MFSD6: variants seen among roughly 807,000 people sequenced by gnomAD.
MFSD6 encodes the protein major facilitator superfamily domain-containing protein 6.
Under a neutral mutation model 56.3 loss-of-function variants are expected in MFSD6, and 26 were observed. The ratio of observed to expected loss-of-function variants is 0.46; its 90% CI spans 0.34 to 0.64. The LOEUF is 0.64. Among genes scored for constraint, MFSD6 ranks in the 30% least tolerant of loss-of-function variants. MFSD6 has a pLI of 0.01. For missense variants in MFSD6, 750 were observed against 986.2 expected (o/e 0.76, Z 3.21); for synonymous variants, 331 against 366.9 (o/e 0.90, Z 1.12).
chr2:190,500,303 TC>T lies in MFSD6; in HGVS notation c.*89del, dbSNP rs761264098. On this transcript the variant is annotated 3_prime_UTR_variant, in exon 8 of 8. Transcript: ENST00000392328. The surrounding 1 kb of genome is among the most constrained non-coding windows in gnomAD (Gnocchi z 5.3). The stretch of plus-strand genomic sequence containing the variant: ...TGAGGCCCCCCAGCCAGGATATGCC[TC>T]CCCTGGAGGAGCACAGCACTGCATA... The T allele has an allele frequency of 5.6e-6, 8 of 1,435,462 alleles. No individual in the cohort carries two copies. The highest frequency in any genetic ancestry group is 7.7e-6 in the Non-Finnish European group (8 of 1,034,062). 88.9% of individuals were successfully genotyped at this position (1,435,462 alleles called of 1,614,324 possible). A position where few individuals can be genotyped will look rare whatever the true frequency, so the allele number is the denominator to read the frequency against.
Position 190,412,002 on chromosome 2 carries a change from A to C in MFSD6, c.-175-3290A>C, listed in dbSNP as rs904660878. 2.0e-6 allele frequency: 2 copies of C among 985,380 alleles called. No homozygotes were observed. The highest frequency in any genetic ancestry group is 3.5e-5 in the African/African-American group (2 of 57,352). The allele number at this position is 985,380 out of a possible 1,614,324, so 61.0% of individuals were successfully genotyped here. ...AATTTACCTGCTGTGTCATCTCATG[A>C]AATTATGGCATTCTGGATGACTTTA... On this transcript the variant is annotated intron_variant, in intron 1 of 7. Coordinates refer to ENST00000392328, the MANE Select transcript of MFSD6 (RefSeq NM_017694.4). This position sits in a 1 kb window ranked among gnomAD's most constrained non-coding sequence, Gnocchi z 4.1.
At chr2:190,479,996 C>G (rs1348763896) in intron 4 of MFSD6, among the ~76,000 whole-genome samples, 1 of 152,122 alleles carries the variant, frequency 6.6e-6, no homozygotes, top group African/African-American at 2.4e-5. Flanking sequence ...GACCCTGTCT[C>G]TACAAAATAT....
chr2:190,441,371 T>C (rs116492683), intron 3 of MFSD6, among the ~76,000 whole-genome samples: 99 of 152,022 alleles, frequency 6.5e-4, no homozygotes, highest in African/African-American at 2.2e-3. Context: ...TACCGAGGCA[T>C]TCAACGTTTT....
In MFSD6 at chr2:190,443,881, C is replaced by A. The variant is rs1018971245; in HGVS notation, c.1532+6320C>A. On this transcript the variant is annotated intron_variant, in intron 3 of 7. Coordinates refer to ENST00000392328, the MANE Select transcript of MFSD6 (RefSeq NM_017694.4). The surrounding 1 kb of genome is among the most constrained non-coding windows in gnomAD (Gnocchi z 4.2). ...ATCAGCCTGGGCAACATGGTGAGACCTTGTCTCTACAAAAAATAACATTAG... is the reference window on the plus strand; with the variant it reads ...ATCAGCCTGGGCAACATGGTGAGACATTGTCTCTACAAAAAATAACATTAG... Among the ~76,000 whole-genome samples the A allele has an allele frequency of 2.0e-5, 3 of 152,048 alleles. No homozygotes were observed. Among genetic ancestry groups the A allele is most frequent in the Non-Finnish European group, 2.9e-5 (2 of 68,010 alleles).
At position 190,413,187 on chromosome 2, in the gene MFSD6, G is replaced by A. The variant is rs1342487966; in HGVS notation, c.-175-2105G>A. Among the ~76,000 whole-genome samples the A allele has an allele frequency of 6.6e-6, 1 of 152,046 alleles. No individual in the cohort carries two copies. The highest frequency in any genetic ancestry group is 1.5e-5 in the Non-Finnish European group (1 of 68,028). The stretch of plus-strand genomic sequence containing the variant: ...CTTGATCCATTATGATGTAAATCTA[G>A]CTGAGCCACGTGTTGATGATTATGT... On this transcript the variant is annotated intron_variant, in intron 1 of 7. Transcript: ENST00000392328. The surrounding 1 kb of genome is among the most constrained non-coding windows in gnomAD (Gnocchi z 4.1).
intron 2 of MFSD6, among the ~76,000 whole-genome samples, chr2:190,429,073 A>C (rs899242345): frequency 6.6e-6 from 1 of 151,946 alleles, no homozygotes; most frequent in African/African-American, 2.4e-5. Flanking sequence ...ATCTTTTTAC[A>C]TATTTATTGG....
chr2:190,413,707 A>G lies in MFSD6; in HGVS notation c.-175-1585A>G, dbSNP rs1007261050. On this transcript the variant is annotated intron_variant, in intron 1 of 7. Transcript: ENST00000392328. This position sits in a 1 kb window ranked among gnomAD's most constrained non-coding sequence, Gnocchi z 4.1. ...AAGTGAGTGGCGAGCCTGGACTGGT[A>G]GTTAGCAGTCTGTGTTGGTTATGTA... is the stretch of plus-strand genomic sequence containing the variant. 2.0e-5 allele frequency among the ~76,000 whole-genome samples: 3 copies of G among 152,162 alleles called. No individual in the cohort carries two copies. Among genetic ancestry groups the G allele is most frequent in the African/African-American group, 7.2e-5 (3 of 41,440 alleles).
rs910212382 is a variant in MFSD6, at chr2:190,454,838, G to A, written c.1533-14920G>A. 2.6e-5 allele frequency among the ~76,000 whole-genome samples: 4 copies of A among 152,082 alleles called. No homozygotes were observed. The highest frequency in any genetic ancestry group is 9.7e-5 in the African/African-American group (4 of 41,380). ...TAAGAGTCAGAAGACACTAGAATAG[G>A]GACCTATGGCCTAACATAGTGGGAT... On this transcript the variant is annotated intron_variant, in intron 3 of 7. Coordinates refer to ENST00000392328, the MANE Select transcript of MFSD6 (RefSeq NM_017694.4). This position sits in a 1 kb window ranked among gnomAD's most constrained non-coding sequence, Gnocchi z 4.6.
At position 190,465,217 on chromosome 2, in the gene MFSD6, T is replaced by C. The variant is rs1378100124; in HGVS notation, c.1533-4541T>C. 1.3e-5 allele frequency among the ~76,000 whole-genome samples: 2 copies of C among 152,120 alleles called. No homozygotes were observed. Among genetic ancestry groups the C allele is most frequent in the Non-Finnish European group, 2.9e-5 (2 of 68,026 alleles). ...CAGGTGATTTGGGTTTTCCACAGGG[T>C]AGTGTTTTCTGCTGCATCATTTGCT... On this transcript the variant is annotated intron_variant, in intron 3 of 7. Coordinates refer to ENST00000392328, the MANE Select transcript of MFSD6 (RefSeq NM_017694.4). This position sits in a 1 kb window ranked among gnomAD's most constrained non-coding sequence, Gnocchi z 4.6.
At chr2:190,430,275 G>A (rs1405896686) in intron 2 of MFSD6, among the ~76,000 whole-genome samples, 1 of 149,858 alleles carries the variant, frequency 6.7e-6, no homozygotes, top group Non-Finnish European at 1.5e-5. Context: ...CAGGGTCATA[G>A]GATAGTAGTG....
chr2:190,474,708 T>C (rs924292905), intron 4 of MFSD6, among the ~76,000 whole-genome samples: 2 of 152,206 alleles, frequency 1.3e-5, no homozygotes, highest in African/African-American at 4.8e-5. Context: ...CCTCCCTAAC[T>C]CATTTTATGA....
chr2:190,452,280 C>T (rs997299339), intron 3 of MFSD6, among the ~76,000 whole-genome samples: 5 of 152,160 alleles, frequency 3.3e-5, no homozygotes, highest in Admixed American at 2.0e-4. Context: ...AACACAACAA[C>T]AACAACAATA....
chr2:190,445,433 T>C (rs1166675184), intron 3 of MFSD6, among the ~76,000 whole-genome samples: 1 of 140,460 alleles, frequency 7.1e-6, no homozygotes, highest in Admixed American at 7.6e-5. Context: ...CCAGAGTACC[T>C]CTCTTTTTAA....
rs1378798748 is a variant in MFSD6 at position 190,443,430 on chromosome 2, A to G, written c.1532+5869A>G. Reference sequence around the variant, plus strand: ...GCTTCAACAATGACCAGCATAGATTAGGAGTTCAGCTTATTTTACTTTTTT... The same window carrying G: ...GCTTCAACAATGACCAGCATAGATTGGGAGTTCAGCTTATTTTACTTTTTT... On this transcript the variant is annotated intron_variant, in intron 3 of 7. Transcript: ENST00000392328. This position sits in a 1 kb window ranked among gnomAD's most constrained non-coding sequence, Gnocchi z 4.2. Among the ~76,000 whole-genome samples the G allele has an allele frequency of 6.6e-6, 1 of 152,226 alleles. No individual in the cohort carries two copies. Among genetic ancestry groups the G allele is most frequent in the Non-Finnish European group, 1.5e-5 (1 of 68,040 alleles).
At position 190,500,321 on chromosome 2, in the gene MFSD6, C is replaced by T. The variant is rs1559148662; in HGVS notation, c.*103C>T. ...ATATGCCTCCCCTGGAGGAGCACAG[C>T]ACTGCATATGCTTCTAAATATCTAA... is the stretch of plus-strand genomic sequence containing the variant. On this transcript the variant is annotated 3_prime_UTR_variant, in exon 8 of 8. Coordinates refer to ENST00000392328, the MANE Select transcript of MFSD6 (RefSeq NM_017694.4). This position sits in a 1 kb window ranked among gnomAD's most constrained non-coding sequence, Gnocchi z 5.3. 1 of 1,163,718 alleles carries T rather than the reference C, an allele frequency of 8.6e-7. No homozygotes were observed. Among genetic ancestry groups the T allele is most frequent in the African/African-American group, 1.5e-5 (1 of 65,862 alleles). 72.1% of individuals were successfully genotyped at this position (1,163,718 alleles called of 1,614,324 possible).
Position 190,417,994 on chromosome 2 carries a change from G to GTT in MFSD6, c.-54+2582_-54+2583insTT. On this transcript the variant is annotated intron_variant, in intron 2 of 7. Coordinates refer to ENST00000392328, the MANE Select transcript of MFSD6 (RefSeq NM_017694.4). The surrounding 1 kb of genome is among the most constrained non-coding windows in gnomAD (Gnocchi z 5.7). The stretch of plus-strand genomic sequence containing the variant: ...TGTGTGTGTGTGTGTGTGTGTGTGT[G>GTT]TGTGTGTATGTGAGAGAGAGAGAGA... Among the ~76,000 whole-genome samples, 2 of 150,910 alleles carry GTT rather than the reference G, an allele frequency of 1.3e-5. No individual in the cohort carries two copies. The highest frequency in any genetic ancestry group is 6.8e-3 in the Middle Eastern group (2 of 292).
Position 190,451,053 on chromosome 2 carries a change from C to T in MFSD6, c.1532+13492C>T, listed in dbSNP as rs1430578758. On this transcript the variant is annotated intron_variant, in intron 3 of 7. Transcript: ENST00000392328. This position sits in a 1 kb window ranked among gnomAD's most constrained non-coding sequence, Gnocchi z 5.0. The stretch of plus-strand genomic sequence containing the variant: ...GAGCAAGTTGGTCTAGGCTTGACTC[C>T]AGTCATCATCCTAAGCCCTGGTAGG... 6.6e-6 allele frequency among the ~76,000 whole-genome samples: 1 copy of T among 152,144 alleles called. No homozygotes were observed. Among genetic ancestry groups the T allele is most frequent in the Non-Finnish European group, 1.5e-5 (1 of 68,034 alleles).
Position 190,426,202 on chromosome 2 carries a change from A to G in MFSD6, c.-53-9775A>G, listed in dbSNP as rs959111792. On this transcript the variant is annotated intron_variant, in intron 2 of 7. Transcript: ENST00000392328. The surrounding 1 kb of genome is among the most constrained non-coding windows in gnomAD (Gnocchi z 4.7). ...ATGATGACATGAACATTAGATCTTT[A>G]GTTACAGTCCCATAGGTCCTTAAGG... Among the ~76,000 whole-genome samples, 1 of 152,156 alleles carries G rather than the reference A, an allele frequency of 6.6e-6. No individual in the cohort carries two copies. The highest frequency in any genetic ancestry group is 2.4e-5 in the African/African-American group (1 of 41,444).
intron 3 of MFSD6, chr2:190,464,903 T>G (rs62181023): frequency 0.15 from 140,605 of 966,652 alleles, 11,424 homozygotes; most frequent in Non-Finnish European, 0.16. Flanking sequence ...TTTAGTGGCT[T>G]TTGGTGGGGG....
Sources: allele counts gnomAD v4.1 joint callset (sites outside exome capture counted in the v4.1 genomes callset), GRCh38; gene constraint gnomAD v4.1.1; non-coding constraint Gnocchi (gnomAD v3.1); transcripts MANE v1.5; gene names NCBI Gene and HGNC (gene_info 2026-07-23, HGNC 2026-07-21).